Variants in TMEM38A observed in about 807,000 individuals in gnomAD.
The protein encoded by TMEM38A is transmembrane protein 38A, also known as trimeric intracellular cation channel type A.
Under a neutral mutation model 28.6 loss-of-function variants are expected in TMEM38A, and 17 were observed. That is an observed-to-expected ratio of 0.60 (90% CI 0.41 to 0.89). The LOEUF (loss-of-function observed/expected upper bound fraction) is 0.89, where lower values mean the gene tolerates loss of function less well. Among genes scored for constraint, TMEM38A ranks in the 40% least tolerant of loss-of-function variants. The pLI is 0.00. For synonymous variants in TMEM38A, 169 were observed against 166.1 expected, an observed-to-expected ratio of 1.02 and a Z score of -0.14; for missense variants, 328 against 393.1, an observed-to-expected ratio of 0.83 and a Z score of 1.40.
At position 16,688,512 on chromosome 19, in the gene TMEM38A, T is replaced by G. The variant is rs1275895648; in HGVS notation, c.*141T>G. ...GGGTCATTGGCTCACCCTCCAGGGCTGATGTGGGGGTTGAGATATGGGGAT... is the reference window on the plus strand; with the variant it reads ...GGGTCATTGGCTCACCCTCCAGGGCGGATGTGGGGGTTGAGATATGGGGAT... On this transcript the variant is annotated 3_prime_UTR_variant, in exon 6 of 6. Transcript: ENST00000187762. The G allele has an allele frequency of 2.4e-5, 15 of 631,960 alleles. No individual in the cohort carries two copies. Among genetic ancestry groups the G allele is most frequent in the Non-Finnish European group, 3.6e-5 (15 of 415,748 alleles). 39.1% of individuals were successfully genotyped at this position (631,960 alleles called of 1,614,324 possible). A position where few individuals can be genotyped will look rare whatever the true frequency, so the allele number is the denominator to read the frequency against.
chr19:16,663,695 ATT>A (rs1177464598), intron 1 of TMEM38A, among the ~76,000 whole-genome samples: 5 of 142,060 alleles, frequency 3.5e-5, no homozygotes, highest in Admixed American at 7.0e-5. Context: ...TGCCCGGCTA[ATT>A]TTTTTTTTTT....
At chr19:16,674,050 C>T (rs1371045569) in intron 1 of TMEM38A, among the ~76,000 whole-genome samples, 1 of 152,016 alleles carries the variant, frequency 6.6e-6, no homozygotes, top group Non-Finnish European at 1.5e-5. Context: ...TGCATCACTG[C>T]ACTCCAGCCT....
At chr19:16,670,215 G>A (rs1047674054) in intron 1 of TMEM38A, among the ~76,000 whole-genome samples, 80 of 150,244 alleles carry the variant, frequency 5.3e-4, no homozygotes, top group African/African-American at 1.6e-3. Context: ...TGATCCACCC[G>A]CCTCGGTCTC....
At chr19:16,679,392 A>C (rs137856887) in intron 1 of TMEM38A, among the ~76,000 whole-genome samples, 14 of 151,406 alleles carry the variant, frequency 9.2e-5, no homozygotes, top group South Asian at 2.1e-4. Context: ...CCACCTCCTG[A>C]GTTCAAGTGA....
At chr19:16,681,393 T>C (rs1599391246) in intron 3 of TMEM38A, among the ~76,000 whole-genome samples, 1 of 152,092 alleles carries the variant, frequency 6.6e-6, no homozygotes, top group East Asian at 1.9e-4. Context: ...ATAACAACTA[T>C]AAACATATAT....
At chr19:16,684,083 T>A (rs569019088) in intron 4 of TMEM38A, among the ~76,000 whole-genome samples, 1 of 151,434 alleles carries the variant, frequency 6.6e-6, no homozygotes, top group African/African-American at 2.4e-5. Context: ...TGATCCGAGA[T>A]CCTGCCACTG....
At chr19:16,684,346 G>T (rs912253500) in intron 4 of TMEM38A, among the ~76,000 whole-genome samples, 1 of 151,894 alleles carries the variant, frequency 6.6e-6, no homozygotes, top group African/African-American at 2.4e-5. Context: ...CAGGTGTGGT[G>T]GTGTGTGCCT....
At chr19:16,662,436 C>CTTTTT (rs35226829) in intron 1 of TMEM38A, among the ~76,000 whole-genome samples, 2,807 of 75,186 alleles carry the variant, frequency 0.037, 23 homozygotes, top group African/African-American at 0.052. Flanking sequence ...TAAATGCACG[C>CTTTTT]TTTTTTTTTT....
Position 16,686,314 on chromosome 19 carries a change from C to T in TMEM38A, c.581C>T (p.Ala194Val). 1 of 1,612,888 alleles carries T rather than the reference C, an allele frequency of 6.2e-7. No individual in the cohort carries two copies. Among genetic ancestry groups the T allele is most frequent in the Non-Finnish European group, 8.5e-7 (1 of 1,179,910 alleles). Residue 194 changes from alanine (A) to valine (V), a missense_variant, in exon 5 of 6, where the codon GCC (alanine) becomes GTC (valine). Physicochemically the swap from Ala to Val is moderately conservative, Grantham distance 64. Transcript: ENST00000187762. ...SFPTKASLYG[A>V]ILFTLQQTRW... is the part of the protein sequence containing the mutation. ...CCCACCAAGGCCAGCCTGTATGGAG[C>T]CATCCTCTTCACCCTCCAGCAGACC...
chr19:16,661,229 C>T lies in TMEM38A; in HGVS notation c.12C>T (p.Leu4=), dbSNP rs1013844472. 1.9e-6 allele frequency: 3 copies of T among 1,565,476 alleles called. No individual in the cohort carries two copies. The highest frequency in any genetic ancestry group is 1.4e-5 in the African/African-American group (1 of 71,240). ...GGCAGGCGGGCGCCATGGAGCTGCTCTCGGCGCTGAGCCTGGGCGAACTGG... is the reference window on the plus strand; with the variant it reads ...GGCAGGCGGGCGCCATGGAGCTGCTTTCGGCGCTGAGCCTGGGCGAACTGG... MEL[L]SALSLGELAL... Residue 4 remains leucine (L), a synonymous_variant, in exon 1 of 6, where the codon CTC becomes CTT. Transcript: ENST00000187762. This position sits in a 1 kb window ranked among gnomAD's most constrained non-coding sequence, Gnocchi z 6.5.
intron 3 of TMEM38A, among the ~76,000 whole-genome samples, chr19:16,681,230 G>GT (rs2086780743): frequency 6.6e-6 from 1 of 152,180 alleles, no homozygotes; most frequent in African/African-American, 2.4e-5. Flanking sequence ...CAACATTACA[G>GT]TGAGCTATGA....
chr19:16,671,261 A>C (rs1221457344), intron 1 of TMEM38A, among the ~76,000 whole-genome samples: 1 of 134,022 alleles, frequency 7.5e-6, no homozygotes, highest in Non-Finnish European at 1.5e-5. Context: ...GCTGGAGTGC[A>C]GTGGCACGAT....
intron 1 of TMEM38A, among the ~76,000 whole-genome samples, chr19:16,667,733 C>T (rs1224879009): frequency 6.6e-6 from 1 of 151,916 alleles, no homozygotes; most frequent in Non-Finnish European, 1.5e-5. Context: ...GTGGTGTGCA[C>T]CTGTAATCCC....
chr19:16,686,258 C>A, intron 4 of TMEM38A, 30 bp from the exon 5 acceptor site: 2 of 1,578,206 alleles, frequency 1.3e-6, no homozygotes, highest in Non-Finnish European at 1.7e-6. Flanking sequence ...CATGCAGGCA[C>A]CTCCCGGTAA....
intron 1 of TMEM38A, among the ~76,000 whole-genome samples, chr19:16,669,085 C>T (rs112070341): frequency 0.039 from 5,842 of 151,474 alleles, 364 homozygotes; most frequent in African/African-American, 0.13. Context: ...CCGCCTTGGC[C>T]TCCCAAAGTG....
chr19:16,666,103 C>A (rs12974388), intron 1 of TMEM38A, among the ~76,000 whole-genome samples: 43 of 152,196 alleles, frequency 2.8e-4, no homozygotes, highest in Non-Finnish European at 5.3e-4. Context: ...GCCTCAGCCT[C>A]CCGAGAAGCT....
At chr19:16,672,446 ATTTTT>A (rs746189021) in intron 1 of TMEM38A, among the ~76,000 whole-genome samples, 1 of 105,008 alleles carries the variant, frequency 9.5e-6, no homozygotes, top group Non-Finnish European at 1.8e-5. Flanking sequence ...AAAAAACCTC[ATTTTT>A]TTTTTTTTTT....
intron 4 of TMEM38A, among the ~76,000 whole-genome samples, chr19:16,685,988 C>T (rs1470276137): frequency 6.6e-6 from 1 of 152,178 alleles, no homozygotes; most frequent in African/African-American, 2.4e-5. Context: ...CATGGTGAAA[C>T]ACTGTCTCTC....
chr19:16,673,645 T>G (rs752265324), intron 1 of TMEM38A, among the ~76,000 whole-genome samples: 82 of 152,136 alleles, frequency 5.4e-4, no homozygotes, highest in Non-Finnish European at 1.5e-5. Flanking sequence ...CTCACCTGGA[T>G]TTGTAGGAGA....
Sources: allele counts gnomAD v4.1 joint callset (sites outside exome capture counted in the v4.1 genomes callset), GRCh38; gene constraint gnomAD v4.1.1; non-coding constraint Gnocchi (gnomAD v3.1); transcripts MANE v1.5; gene names NCBI Gene and HGNC (gene_info 2026-07-23, HGNC 2026-07-21).